The following SND1 variants were observed in gnomAD, a reference collection of about 807,000 sequenced individuals.
SND1 encodes the protein staphylococcal nuclease domain-containing protein 1.
SND1 carries 38 observed loss-of-function variants against 121.7 expected under a neutral mutation model. The ratio of observed to expected loss-of-function variants is 0.31; its 90% CI spans 0.24 to 0.41. The LOEUF is 0.41. SND1 is among the 10% of genes least tolerant of loss of function. SND1 has a pLI of 1.00. For synonymous variants in SND1, 401 were observed against 447.4 expected, an observed-to-expected ratio of 0.90 and a Z score of 1.31; for missense variants, 868 against 1,184.6, an observed-to-expected ratio of 0.73 and a Z score of 3.92.
chr7:127,686,812 C>T (rs778721825), intron 2 of SND1, 50 bp downstream of exon 2: 9 of 1,574,496 alleles, frequency 5.7e-6, no homozygotes, highest in Non-Finnish European at 7.0e-6. Context: ...GGTAATAGCC[C>T]ACTGTCTTCT....
Position 127,901,863 on chromosome 7 carries a change from T to C in SND1, c.1455-2884T>C, listed in dbSNP as rs548482067. On this transcript the variant is annotated intron_variant, in intron 13 of 23. Coordinates refer to ENST00000354725, the MANE Select transcript of SND1 (RefSeq NM_014390.4). ...AAATTTATGCCAGAACACAAATAAG[T>C]ATCTGATAATATGCTTTTTAGAAGC... 5.3e-5 allele frequency among the ~76,000 whole-genome samples: 8 copies of C among 152,298 alleles called. No homozygotes were observed. The South Asian group carries it at 1.5e-3, about 28-fold the overall frequency.
chr7:128,018,446 G>T (rs2116959310), intron 16 of SND1, among the ~76,000 whole-genome samples: 1 of 152,326 alleles, frequency 6.6e-6, no homozygotes, highest in African/African-American at 2.4e-5. Context: ...TGGCCAGGAA[G>T]GGCAGTTCAC....
chr7:127,853,288 T>C (rs1379478388), intron 12 of SND1, among the ~76,000 whole-genome samples: 1 of 152,204 alleles, frequency 6.6e-6, no homozygotes, highest in Non-Finnish European at 1.5e-5. Context: ...TCTAAACTTC[T>C]TCCCGTGTTA....
chr7:127,837,183 G>C (rs991062520), intron 11 of SND1, among the ~76,000 whole-genome samples: 3 of 152,154 alleles, frequency 2.0e-5, no homozygotes, highest in African/African-American at 2.4e-5. Context: ...CAGAACCACA[G>C]ATAGGATAGA....
chr7:127,711,672 A>C (rs1796300184), intron 9 of SND1, among the ~76,000 whole-genome samples: 1 of 151,760 alleles, frequency 6.6e-6, no homozygotes, highest in Non-Finnish European at 1.5e-5. Flanking sequence ...TTCCATCTAG[A>C]ATCTTTGTTC....
At chr7:127,678,667 T>TC (rs1201941233) in intron 1 of SND1, among the ~76,000 whole-genome samples, 2 of 152,110 alleles carry the variant, frequency 1.3e-5, no homozygotes, top group Non-Finnish European at 2.9e-5. Flanking sequence ...CCACACAGCT[T>TC]ATGTTGTTTT....
At chr7:128,057,152 C>T (rs986964311) in intron 16 of SND1, among the ~76,000 whole-genome samples, 1 of 152,114 alleles carries the variant, frequency 6.6e-6, no homozygotes, top group Non-Finnish European at 1.5e-5. Context: ...CAGCGGTTGA[C>T]CACGGGTAAA....
chr7:128,017,696 G>T (rs537054941), intron 16 of SND1, among the ~76,000 whole-genome samples: 5 of 152,232 alleles, frequency 3.3e-5, no homozygotes, highest in Non-Finnish European at 5.9e-5. Context: ...CGGGGAGGGG[G>T]GGCAAACTCT....
At chr7:128,040,602 G>A (rs1039674935) in intron 16 of SND1, among the ~76,000 whole-genome samples, 9 of 151,986 alleles carry the variant, frequency 5.9e-5, no homozygotes, top group African/African-American at 2.2e-4. Context: ...AACAAAATGG[G>A]AACATACTTT....
At chr7:127,940,692 A>T (rs1220051379) in intron 15 of SND1, among the ~76,000 whole-genome samples, 1 of 151,816 alleles carries the variant, frequency 6.6e-6, no homozygotes, top group Non-Finnish European at 1.5e-5. Flanking sequence ...CCTTCCCCAA[A>T]CTCCAGGTCA....
At chr7:127,933,582 A>G (rs1046797517) in intron 15 of SND1, among the ~76,000 whole-genome samples, 19 of 152,234 alleles carry the variant, frequency 1.2e-4, no homozygotes, top group African/African-American at 4.1e-4. Context: ...TTACACATCA[A>G]TTATAACTGG....
chr7:127,978,774 A>T (rs1453203526), intron 15 of SND1, among the ~76,000 whole-genome samples: 1 of 152,144 alleles, frequency 6.6e-6, no homozygotes. Flanking sequence ...GTTACCCTGT[A>T]CTATCAGGTT....
intron 9 of SND1, among the ~76,000 whole-genome samples, chr7:127,720,998 A>T (rs766478886): frequency 6.6e-6 from 1 of 152,176 alleles, no homozygotes; most frequent in Non-Finnish European, 1.5e-5. Context: ...TCCAGTTCTT[A>T]AGCTTTGTAG....
At chr7:127,975,018 G>A (rs987577774) in intron 15 of SND1, among the ~76,000 whole-genome samples, 2 of 152,164 alleles carry the variant, frequency 1.3e-5, no homozygotes, top group Admixed American at 6.5e-5. Context: ...ATTGCAGAGG[G>A]AGTTACCCAA....
At chr7:127,756,871 A>G (rs1425282719) in intron 10 of SND1, among the ~76,000 whole-genome samples, 1 of 152,210 alleles carries the variant, frequency 6.6e-6, no homozygotes, top group South Asian at 2.1e-4. Context: ...TTATTTGTTT[A>G]AATATAAATG....
intron 12 of SND1, among the ~76,000 whole-genome samples, chr7:127,847,794 G>A (rs1333153013): frequency 6.6e-6 from 1 of 152,182 alleles, no homozygotes; most frequent in East Asian, 1.9e-4. Flanking sequence ...GAAAAGAAAG[G>A]GCTTTATTGT....
chr7:127,727,355 T>G (rs1796600054), intron 10 of SND1, among the ~76,000 whole-genome samples: 1 of 152,188 alleles, frequency 6.6e-6, no homozygotes, highest in Non-Finnish European at 1.5e-5. Flanking sequence ...CACTGATAAC[T>G]CCATTCATTG....
At chr7:127,850,353 G>A (rs529867617) in intron 12 of SND1, among the ~76,000 whole-genome samples, 36 of 152,018 alleles carry the variant, frequency 2.4e-4, no homozygotes, top group Non-Finnish European at 4.7e-4. Context: ...GCTACACTTG[G>A]GCAAAAGCAG....
intron 14 of SND1, among the ~76,000 whole-genome samples, chr7:127,911,182 T>A (rs1800445161): frequency 6.6e-6 from 1 of 152,212 alleles, no homozygotes; most frequent in Non-Finnish European, 1.5e-5. Context: ...GCAAAGTTTA[T>A]TGAACTCTAG....
Sources: gnomAD v4.1 joint callset for allele counts (sites outside exome capture counted in the v4.1 genomes callset) on GRCh38, gnomAD v4.1.1 for gene constraint, MANE v1.5 for transcripts, NCBI Gene and HGNC (gene_info 2026-07-23, HGNC 2026-07-21) for gene names.